MEP1A: variants seen among roughly 807,000 people sequenced by gnomAD.
MEP1A encodes meprin A subunit alpha.
Under a neutral mutation model 84.5 loss-of-function variants are expected in MEP1A, and 68 were observed. The ratio of observed to expected loss-of-function variants is 0.80; its 90% CI spans 0.66 to 0.98. The LOEUF (loss-of-function observed/expected upper bound fraction) is 0.98. MEP1A is among the 50% of genes least tolerant of loss of function. The pLI is 0.00. For missense variants in MEP1A, 887 were observed against 919.9 expected (o/e 0.96, Z 0.46); for synonymous variants, 337 against 336.8 (o/e 1.00, Z -0.01).
chr6:46,845,636 A>G, the MEP1A span, among the ~76,000 whole-genome samples: 1 of 152,200 alleles, frequency 6.6e-6, no homozygotes, highest in Non-Finnish European at 1.5e-5. Context: ...TTCTTTTTAA[A>G]TCTCAATCTA....
chr6:46,838,606 G>A (rs1196511907), intron 13 of MEP1A, among the ~76,000 whole-genome samples: 1 of 152,190 alleles, frequency 6.6e-6, no homozygotes, highest in Non-Finnish European at 1.5e-5. Flanking sequence ...GCCAGTGTCA[G>A]GCAATGTATT....
At chr6:46,803,445 T>G (rs979321098) in intron 5 of MEP1A, among the ~76,000 whole-genome samples, 3 of 151,652 alleles carry the variant, frequency 2.0e-5, no homozygotes, top group Non-Finnish European at 4.4e-5. Context: ...CTATTTCACT[T>G]TTGATATTGG....
downstream of MEP1A, among the ~76,000 whole-genome samples, chr6:46,843,754 G>A (rs1768372530): frequency 6.6e-6 from 1 of 152,086 alleles, no homozygotes; most frequent in African/African-American, 2.4e-5. Flanking sequence ...TTCCCTTCTT[G>A]AGCTCTGCCT....
chr6:46,822,227 G>A (rs187482910), intron 7 of MEP1A, among the ~76,000 whole-genome samples: 27 of 152,184 alleles, frequency 1.8e-4, no homozygotes, highest in African/African-American at 5.5e-4. Context: ...GGCTGTTTTC[G>A]TGCTACAATG....
At chr6:46,806,320 C>G (rs1767318233) in intron 5 of MEP1A, among the ~76,000 whole-genome samples, 1 of 152,042 alleles carries the variant, frequency 6.6e-6, no homozygotes, top group East Asian at 1.9e-4. Context: ...TGCGTGTTTT[C>G]ATTCTCCTCT....
chr6:46,822,366 C>T (rs1244424437), intron 7 of MEP1A, among the ~76,000 whole-genome samples: 1 of 152,098 alleles, frequency 6.6e-6, no homozygotes, highest in African/African-American at 2.4e-5. Flanking sequence ...AGCTGTGAGT[C>T]CCTATCCTAT....
rs1469508554 is a variant in MEP1A at position 46,833,397 on chromosome 6, A to G, written c.1468A>G (p.Ser490Gly). The change falls in exon 11 of 14, where the codon AGT becomes GGT. Residue 490 changes from serine (S) to glycine (G), a missense_variant. Ser to Gly is a moderately conservative substitution (Grantham distance 56). Transcript: ENST00000230588. Reference sequence around the variant, plus strand: ...CTTGAGACTTGCTTTTCATGTGTGCAGTGGGGAGAACGATGCTATCCTGGA... The same window carrying G: ...CTTGAGACTTGCTTTTCATGTGTGCGGTGGGGAGAACGATGCTATCCTGGA... ...GYLRLAFHVCSGENDAILEWP... is the reference protein window; with the variant it reads ...GYLRLAFHVCGGENDAILEWP... The G allele has an allele frequency of 1.9e-6, 3 of 1,614,218 alleles. No homozygotes were observed. Among genetic ancestry groups the G allele is most frequent in the African/African-American group, 1.3e-5 (1 of 75,058 alleles).
At chr6:46,840,257 C>T (rs1250388729), downstream of MEP1A, among the ~76,000 whole-genome samples, 2 of 152,102 alleles carry the variant, frequency 1.3e-5, no homozygotes, top group East Asian at 1.9e-4. Flanking sequence ...CAATTTGTAG[C>T]GAGTGAAAAC....
At chr6:46,835,920 G>C (rs1768207821) in intron 13 of MEP1A, among the ~76,000 whole-genome samples, 1 of 152,182 alleles carries the variant, frequency 6.6e-6, no homozygotes, top group African/African-American at 2.4e-5. Flanking sequence ...GCTGACTACA[G>C]ATGTTATTAG....
chr6:46,820,666 G>T (rs1369394466), intron 7 of MEP1A, among the ~76,000 whole-genome samples: 1 of 152,132 alleles, frequency 6.6e-6, no homozygotes, highest in Non-Finnish European at 1.5e-5. Context: ...GGGATTACAG[G>T]CATGAGCCAC....
intron 8 of MEP1A, among the ~76,000 whole-genome samples, chr6:46,826,074 A>G (rs1184308998): frequency 1.3e-5 from 2 of 152,190 alleles, no homozygotes; most frequent in East Asian, 3.9e-4. Flanking sequence ...TATTATAGGT[A>G]TCTTGTTCTT....
At position 46,835,515 on chromosome 6, in the gene MEP1A, A is replaced by G. The variant is rs1289724652; in HGVS notation, c.2050A>G (p.Ile684Val). 1 of 1,613,668 alleles carries G rather than the reference A, an allele frequency of 6.2e-7. No homozygotes were observed. The highest frequency in any genetic ancestry group is 1.7e-5 in the Admixed American group (1 of 60,002). ...CDPNPCQNDG[I>V]CVNVKGMASC... ...CCCAAACCCTTGCCAAAATGACGGC[A>G]TCTGTGTGAACGTGAAGGGGATGGC... is the stretch of plus-strand genomic sequence containing the variant. Residue 684 changes from isoleucine (I) to valine (V), a missense_variant, in exon 13 of 14, where the codon ATC becomes GTC. By Grantham distance (29) the Ile-to-Val change is conservative. Transcript: ENST00000230588.
At chr6:46,828,508 C>G (rs1054244160) in intron 9 of MEP1A, among the ~76,000 whole-genome samples, 2 of 152,110 alleles carry the variant, frequency 1.3e-5, no homozygotes, top group Non-Finnish European at 2.9e-5. Flanking sequence ...TGTACACTCA[C>G]TTTATTTTTA....
intron 9 of MEP1A, 74 bp downstream of exon 9, chr6:46,826,577 T>C (rs1475971455): frequency 4.6e-5 from 59 of 1,276,616 alleles, no homozygotes; most frequent in Non-Finnish European, 5.8e-5. Context: ...CCACCATGTT[T>C]TGCCTCAGTC....
At chr6:46,798,720 G>C (rs1767123373) in intron 4 of MEP1A, 74 bp downstream of exon 4, 1 of 1,309,148 alleles carries the variant, frequency 7.6e-7, no homozygotes, top group African/African-American at 1.5e-5. Context: ...CTGCTCTGCG[G>C]CCAGCCCTGG....
chr6:46,829,155 G>T (rs1216768121), intron 9 of MEP1A, among the ~76,000 whole-genome samples: 2 of 152,240 alleles, frequency 1.3e-5, no homozygotes, highest in Non-Finnish European at 2.9e-5. Flanking sequence ...CAACAGTGGA[G>T]AGCAAGCTTT....
downstream of MEP1A, among the ~76,000 whole-genome samples, chr6:46,844,123 T>C (rs1208391019): frequency 1.3e-5 from 2 of 152,230 alleles, no homozygotes; most frequent in Non-Finnish European, 1.5e-5. Context: ...TCAGTTTTAA[T>C]ATAAATATGT....
chr6:46,799,950 G>A (rs1207786391), intron 5 of MEP1A, among the ~76,000 whole-genome samples: 1 of 152,030 alleles, frequency 6.6e-6, no homozygotes, highest in African/African-American at 2.4e-5. Flanking sequence ...AGTCTTGTTG[G>A]GCTGCTAGGC....
At chr6:46,815,738 T>C (rs1767619842) in intron 6 of MEP1A, among the ~76,000 whole-genome samples, 1 of 152,158 alleles carries the variant, frequency 6.6e-6, no homozygotes, top group Non-Finnish European at 1.5e-5. Context: ...ATCTTAATCC[T>C]GAGTCCTGAC....
Sources: gnomAD v4.1 joint callset for allele counts (sites outside exome capture counted in the v4.1 genomes callset) on GRCh38, gnomAD v4.1.1 for gene constraint, MANE v1.5 for transcripts, NCBI Gene and HGNC (gene_info 2026-07-23, HGNC 2026-07-21) for gene names.